The following KDM5A variants were observed in gnomAD, a reference collection of about 807,000 sequenced individuals.
KDM5A encodes lysine-specific demethylase 5A.
Under a neutral mutation model 193.5 loss-of-function variants are expected in KDM5A, and 42 were observed. The ratio of observed to expected loss-of-function variants is 0.22; its 90% CI spans 0.17 to 0.28. KDM5A has a LOEUF of 0.28. Among genes scored for constraint, KDM5A ranks in the 10% least tolerant of loss-of-function variants. The pLI is 1.00. For missense variants in KDM5A, 1,692 were observed against 2,055.1 expected (o/e 0.82, Z 3.42); for synonymous variants, 796 against 718.1 (o/e 1.11, Z -1.73).
chr12:331,586 G>A (rs1002049503), intron 13 of KDM5A, among the ~76,000 whole-genome samples: 3 of 152,082 alleles, frequency 2.0e-5, no homozygotes, highest in African/African-American at 4.8e-5. Flanking sequence ...AAGGAAGCAA[G>A]TTCAAACAGA....
chr12:334,227 T>C lies in KDM5A; in HGVS notation c.1490+14A>G. Reference sequence around the variant, plus strand: ...AGTAGAGTTCATGCATGCTGTATTTTAGACTGTACATACCAGTGCAAGTAG... The same window carrying C: ...AGTAGAGTTCATGCATGCTGTATTTCAGACTGTACATACCAGTGCAAGTAG... On this transcript the variant is annotated intron_variant, in intron 11 of 27. Transcript: ENST00000399788. The C allele has an allele frequency of 6.2e-7, 1 of 1,611,530 alleles. No homozygotes were observed. Among genetic ancestry groups the C allele is most frequent in the South Asian group, 1.1e-5 (1 of 91,036 alleles).
chr12:371,956 C>A lies in KDM5A; in HGVS notation c.367-5852G>T, dbSNP rs139891849. ...AGGCTCTGTTCTGTTCCATTGGTCT[C>A]TATCTCTGTTTTGGTACCAGTACCA... On this transcript the variant is annotated intron_variant, in intron 3 of 27. Coordinates refer to ENST00000399788, the MANE Select transcript of KDM5A (RefSeq NM_001042603.3). 9.2e-3 allele frequency among the ~76,000 whole-genome samples: 1,404 copies of A among 152,196 alleles called. 26 individuals are homozygous for A. The highest frequency in any genetic ancestry group is 0.032 in the African/African-American group (1,344 of 41,522).
intron 5 of KDM5A, among the ~76,000 whole-genome samples, chr12:357,508 A>G (rs974652549): frequency 6.6e-6 from 1 of 151,788 alleles, no homozygotes; most frequent in Non-Finnish European, 1.5e-5. Context: ...TCTTTAAAAA[A>G]AAAAAGAGGA....
chr12:359,168 T>C (rs1944263360), intron 5 of KDM5A, among the ~76,000 whole-genome samples: 1 of 152,062 alleles, frequency 6.6e-6, no homozygotes, highest in Non-Finnish European at 1.5e-5. Flanking sequence ...ACTGTGGTGC[T>C]GGATTAGAGC....
intron 10 of KDM5A, among the ~76,000 whole-genome samples, chr12:348,871 A>G (rs1440363625): frequency 6.6e-6 from 1 of 151,818 alleles, no homozygotes; most frequent in African/African-American, 2.4e-5. Flanking sequence ...TGAAACCTGC[A>G]TGTTGTGCAC....
At chr12:306,677 A>C (rs1339569565) in intron 24 of KDM5A, among the ~76,000 whole-genome samples, 2 of 151,304 alleles carry the variant, frequency 1.3e-5, no homozygotes, top group Non-Finnish European at 2.9e-5. Flanking sequence ...CAGAAGGCAG[A>C]GGTTGCACTG....
rs115872374 is a variant in KDM5A at position 377,788 on chromosome 12, C to A, written c.366+6243G>T. Among the ~76,000 whole-genome samples the A allele has an allele frequency of 7.1e-3, 1,081 of 152,090 alleles. 17 individuals carry two copies. Among genetic ancestry groups the A allele is most frequent in the African/African-American group, 0.025 (1,053 of 41,482 alleles). On this transcript the variant is annotated intron_variant, in intron 3 of 27. Coordinates refer to ENST00000399788, the MANE Select transcript of KDM5A (RefSeq NM_001042603.3). The stretch of plus-strand genomic sequence containing the variant: ...AACAAGGAAAAGAGGCCAAGGAATT[C>A]CCAGAATGATGGCAGTAAAAGGAAT...
intron 13 of KDM5A, among the ~76,000 whole-genome samples, chr12:331,034 A>C (rs750995551): frequency 2.6e-5 from 4 of 152,190 alleles, no homozygotes; most frequent in East Asian, 1.9e-4. Flanking sequence ...TCATTTACAT[A>C]AAAGTATAGC....
Position 348,106 on chromosome 12 carries a change from T to C in KDM5A, c.1308+2515A>G, listed in dbSNP as rs535891655. On this transcript the variant is annotated intron_variant, in intron 10 of 27. Coordinates refer to ENST00000399788, the MANE Select transcript of KDM5A (RefSeq NM_001042603.3). ...ACCCCATCAAAAAGTGGGCAAAGGATATGAACAGACACTTCTCAAAAGAAG... is the reference window on the plus strand; with the variant it reads ...ACCCCATCAAAAAGTGGGCAAAGGACATGAACAGACACTTCTCAAAAGAAG... 5.7e-3 allele frequency among the ~76,000 whole-genome samples: 867 copies of C among 152,118 alleles called. 10 individuals are homozygous for C. The highest frequency in any genetic ancestry group is 0.018 in the South Asian group (85 of 4,812).
chr12:323,558 TA>T, intron 15 of KDM5A, 41 bp downstream of exon 15: 2 of 1,576,956 alleles, frequency 1.3e-6, no homozygotes, highest in Non-Finnish European at 1.7e-6. Context: ...AACTTGGTTT[TA>T]AAAAAAGGTA....
chr12:289,152 G>GC (rs1000355642), intron 27 of KDM5A, among the ~76,000 whole-genome samples: 1 of 151,924 alleles, frequency 6.6e-6, no homozygotes, highest in Non-Finnish European at 1.5e-5. Flanking sequence ...AAAGGAAAAG[G>GC]CCAACAATAA....
chr12:332,790 C>T (rs1027130841), intron 12 of KDM5A, among the ~76,000 whole-genome samples: 9 of 151,874 alleles, frequency 5.9e-5, no homozygotes, highest in Non-Finnish European at 8.8e-5. Context: ...GGATAAGCAT[C>T]CTTATTAGTG....
chr12:365,368 C>G (rs1565547727), intron 4 of KDM5A, among the ~76,000 whole-genome samples: 1 of 152,154 alleles, frequency 6.6e-6, no homozygotes, highest in East Asian at 1.9e-4. Context: ...TGGCTGAACT[C>G]TGAAAACATT....
intron 8 of KDM5A, among the ~76,000 whole-genome samples, chr12:353,596 T>C (rs1056934904): frequency 6.6e-6 from 1 of 152,110 alleles, no homozygotes. Flanking sequence ...CACAATACAA[T>C]TGTTACATTT....
chr12:364,779 CAAAAAAAAAAAA>C (rs61342800), intron 4 of KDM5A, among the ~76,000 whole-genome samples: 2 of 111,346 alleles, frequency 1.8e-5, no homozygotes, highest in African/African-American at 7.1e-5. Context: ...AGTCTCATCT[CAAAAAAAAAAAA>C]AAAAACAAAC....
intron 27 of KDM5A, among the ~76,000 whole-genome samples, chr12:289,592 G>A (rs1591895032): frequency 2.6e-5 from 4 of 151,738 alleles, no homozygotes; most frequent in Non-Finnish European, 1.5e-5. Context: ...GTGTGTGCCT[G>A]TAGTCCCAGC....
At chr12:388,488 A>G in intron 1 of KDM5A, 1 of 365,318 alleles carries the variant, frequency 2.7e-6, no homozygotes, top group South Asian at 2.1e-5. Context: ...CGGTGAGACT[A>G]GAGCTCAGAT....
chr12:329,066 T>C (rs763368493), intron 13 of KDM5A, 37 bp from the exon 14 acceptor site: 4 of 1,575,040 alleles, frequency 2.5e-6, no homozygotes, highest in Non-Finnish European at 3.5e-6. Context: ...AACTCGCTTA[T>C]AACATATCCC....
chr12:300,393 A>T (rs957884768), intron 24 of KDM5A, among the ~76,000 whole-genome samples: 6 of 152,164 alleles, frequency 3.9e-5, no homozygotes, highest in Non-Finnish European at 8.8e-5. Flanking sequence ...TCAAAACCAC[A>T]CAACTACACG....
Sources: gnomAD v4.1 joint callset for allele counts (sites outside exome capture counted in the v4.1 genomes callset) on GRCh38, gnomAD v4.1.1 for gene constraint, MANE v1.5 for transcripts, NCBI Gene and HGNC (gene_info 2026-07-23, HGNC 2026-07-21) for gene names.